Variants in FCHSD2 observed in about 807,000 individuals in gnomAD.
The protein encoded by FCHSD2 is FCH and double SH3 domains 2.
In FCHSD2, 38 loss-of-function variants were observed where a neutral mutation model predicts 108.1. That is an observed-to-expected ratio of 0.35 (90% CI 0.27 to 0.46). The LOEUF is 0.46. Ranked by LOEUF, FCHSD2 falls within the 20% of genes least tolerant of loss-of-function variation. FCHSD2 has a pLI of 1.00. For missense variants in FCHSD2, 751 were observed against 897.8 expected (o/e 0.84, Z 2.09); for synonymous variants, 279 against 314.7 (o/e 0.89, Z 1.20).
At chr11:72,861,076 A>G (rs1861560181) in intron 13 of FCHSD2, among the ~76,000 whole-genome samples, 1 of 152,248 alleles carries the variant, frequency 6.6e-6, no homozygotes, top group Admixed American at 6.5e-5. Context: ...AGAAAATAGA[A>G]AAGAGAAAAA....
intron 2 of FCHSD2, among the ~76,000 whole-genome samples, chr11:73,109,665 TTC>T (rs1334518779): frequency 3.3e-5 from 5 of 152,166 alleles, no homozygotes; most frequent in Admixed American, 3.3e-4. Flanking sequence ...ATTTGACTTT[TTC>T]CCTTTCCACT....
At chr11:73,012,695 A>G (rs962656509) in intron 4 of FCHSD2, among the ~76,000 whole-genome samples, 1 of 152,216 alleles carries the variant, frequency 6.6e-6, no homozygotes, top group Non-Finnish European at 1.5e-5. Flanking sequence ...CCTGGGAGTC[A>G]TTGTATAATT....
chr11:73,000,309 T>C (rs532837551), intron 5 of FCHSD2, among the ~76,000 whole-genome samples: 5 of 152,312 alleles, frequency 3.3e-5, no homozygotes, highest in Admixed American at 3.3e-4. Flanking sequence ...CACAAGAAAA[T>C]TTTAATTACT....
At chr11:72,934,432 G>C (rs1856260087) in intron 8 of FCHSD2, among the ~76,000 whole-genome samples, 1 of 150,978 alleles carries the variant, frequency 6.6e-6, no homozygotes. Flanking sequence ...CTGGGTTCAA[G>C]AGATTCTTCT....
intron 3 of FCHSD2, among the ~76,000 whole-genome samples, chr11:73,016,445 G>A (rs1857977293): frequency 1.3e-5 from 2 of 152,102 alleles, no homozygotes; most frequent in Non-Finnish European, 2.9e-5. Context: ...AAAAGGGTGA[G>A]TATAAGGATA....
At chr11:72,939,578 C>A (rs1266719190) in intron 8 of FCHSD2, among the ~76,000 whole-genome samples, 1 of 132,660 alleles carries the variant, frequency 7.5e-6, no homozygotes, top group Non-Finnish European at 1.6e-5. Flanking sequence ...TATAGGAAAT[C>A]TATGAAGACG....
chr11:73,032,027 G>A (rs980109529), intron 3 of FCHSD2, among the ~76,000 whole-genome samples: 1 of 151,874 alleles, frequency 6.6e-6, no homozygotes, highest in African/African-American at 2.4e-5. Flanking sequence ...ATGCTGCAAT[G>A]TTACACAATT....
intron 9 of FCHSD2, among the ~76,000 whole-genome samples, chr11:72,915,907 T>A (rs1012337703): frequency 6.6e-6 from 1 of 152,192 alleles, no homozygotes; most frequent in Non-Finnish European, 1.5e-5. Context: ...TGAGATCGTG[T>A]CCTTTGCAGG....
chr11:72,839,511 C>T (rs1309804917), intron 19 of FCHSD2, among the ~76,000 whole-genome samples: 3 of 152,098 alleles, frequency 2.0e-5, no homozygotes, highest in Non-Finnish European at 4.4e-5. Context: ...AACGAGGGTA[C>T]TGGCAGTAGG....
At chr11:72,966,974 G>A (rs988556837) in intron 8 of FCHSD2, among the ~76,000 whole-genome samples, 17 of 151,960 alleles carry the variant, frequency 1.1e-4, no homozygotes, top group African/African-American at 3.9e-4. Flanking sequence ...TGAGGTGGGC[G>A]GATCACGAGG....
At chr11:72,945,378 C>T (rs1856499637) in intron 8 of FCHSD2, among the ~76,000 whole-genome samples, 1 of 152,172 alleles carries the variant, frequency 6.6e-6, no homozygotes, top group African/African-American at 2.4e-5. Context: ...CCCTTCCTTA[C>T]ACCTTATACA....
At chr11:73,000,047 T>G (rs1230492952) in intron 5 of FCHSD2, among the ~76,000 whole-genome samples, 1 of 152,350 alleles carries the variant, frequency 6.6e-6, no homozygotes, top group South Asian at 2.1e-4. Context: ...AGGTGAGTGC[T>G]CTAAAGAAAT....
rs560222069 is a variant in FCHSD2 at position 73,044,759 on chromosome 11, T to C, written c.166-28874A>G. Among the ~76,000 whole-genome samples, 19 of 152,264 alleles carry C rather than the reference T, an allele frequency of 1.2e-4. No individual in the cohort carries two copies. In the South Asian group the frequency reaches 3.9e-3, roughly 32 times the overall value. On this transcript the variant is annotated intron_variant, in intron 3 of 19. Coordinates refer to ENST00000409418, the MANE Select transcript of FCHSD2 (RefSeq NM_014824.3). ...GCAATAATTTAACATTCTAGCATGT[T>C]ATATAAAAATCATCTAACACTAAGG...
intron 8 of FCHSD2, among the ~76,000 whole-genome samples, chr11:72,928,654 A>G (rs1176824845): frequency 1.3e-5 from 2 of 152,194 alleles, no homozygotes; most frequent in East Asian, 1.9e-4. Context: ...ATTATTGCCA[A>G]TCATGGATTG....
chr11:73,116,999 A>G, intron 2 of FCHSD2, among the ~76,000 whole-genome samples: 1 of 151,896 alleles, frequency 6.6e-6, no homozygotes, highest in East Asian at 1.9e-4. Context: ...TAGCATATTG[A>G]TTTTTATTAC....
In FCHSD2 at chr11:73,048,323, A is replaced by C. The variant is rs372271675; in HGVS notation, c.166-32438T>G. 6.6e-5 allele frequency among the ~76,000 whole-genome samples: 10 copies of C among 152,286 alleles called. No homozygotes were observed. The East Asian group carries it at 1.9e-3, about 29-fold the overall frequency. On this transcript the variant is annotated intron_variant, in intron 3 of 19. Transcript: ENST00000409418. ...GTTACCTCTGATCTCCCTTAAGCCA[A>C]GGTTCATGATAGTCTAGTACTGGCT...
At chr11:73,038,851 G>GA (rs1261073530) in intron 3 of FCHSD2, among the ~76,000 whole-genome samples, 1 of 151,282 alleles carries the variant, frequency 6.6e-6, no homozygotes, top group Non-Finnish European at 1.5e-5. Context: ...AATAAAAGTT[G>GA]AAAAAAAAGA....
intron 8 of FCHSD2, among the ~76,000 whole-genome samples, chr11:72,949,251 G>A (rs1179567944): frequency 6.6e-6 from 1 of 151,698 alleles, no homozygotes; most frequent in Admixed American, 6.6e-5. Context: ...GGAGTTCAAG[G>A]CCAGCCTGAC....
At chr11:73,129,286 C>T (rs977748963) in intron 2 of FCHSD2, among the ~76,000 whole-genome samples, 1 of 152,180 alleles carries the variant, frequency 6.6e-6, no homozygotes, top group Non-Finnish European at 1.5e-5. Flanking sequence ...CAGGGGTCCC[C>T]AACCCCCAGG....
Sources: allele counts gnomAD v4.1 joint callset (sites outside exome capture counted in the v4.1 genomes callset), GRCh38; gene constraint gnomAD v4.1.1; transcripts MANE v1.5; gene names NCBI Gene and HGNC (gene_info 2026-07-23, HGNC 2026-07-21).